GAP43: variants seen among roughly 807,000 people sequenced by gnomAD.
GAP43 encodes the protein growth associated protein 43, also known as neuromodulin.
A neutral mutation model predicts 18.6 loss-of-function variants in GAP43; 6 were observed. The observed-to-expected ratio is 0.32, with a 90% CI of 0.18 to 0.64. The LOEUF is 0.64. Among genes scored for constraint, GAP43 ranks in the 30% least tolerant of loss-of-function variants. The pLI is 0.78. For missense variants in GAP43, 292 were observed against 295.5 expected, an observed-to-expected ratio of 0.99 and a Z score of 0.09; for synonymous variants, 115 against 111.4, an observed-to-expected ratio of 1.03 and a Z score of -0.20.
chr3:115,635,701 C>G (rs80311075), intron 1 of GAP43, among the ~76,000 whole-genome samples: 3,819 of 151,276 alleles, frequency 0.025, 75 homozygotes, highest in Middle Eastern at 0.062. Context: ...AAGAAGTACT[C>G]TGCAGGACTA....
At chr3:115,703,168 A>T (rs370708435) in intron 2 of GAP43, among the ~76,000 whole-genome samples, 141 of 152,256 alleles carry the variant, frequency 9.3e-4, no homozygotes, top group Middle Eastern at 3.4e-3. Flanking sequence ...AATCAAGGAG[A>T]ACACTGTTAT....
At chr3:115,627,039 G>A (rs1046890192) in intron 1 of GAP43, among the ~76,000 whole-genome samples, 27 of 144,740 alleles carry the variant, frequency 1.9e-4, no homozygotes, top group Admixed American at 2.1e-4. Flanking sequence ...GAAGCTTCTC[G>A]TTCTTTTTTT....
In GAP43 at chr3:115,623,679, A is replaced by G. The variant is rs1281273671; in HGVS notation, c.-11A>G. 3 of 1,614,160 alleles carry G rather than the reference A, an allele frequency of 1.9e-6. No homozygotes were observed. Among genetic ancestry groups the G allele is most frequent in the Admixed American group, 3.3e-5 (2 of 60,022 alleles). ...AGAGAAGGCAGGAAGAAGGCAAGGG[A>G]CGAGACAACCATGCTGTGCTGTATG... On this transcript the variant is annotated 5_prime_UTR_variant, in exon 1 of 3. Transcript: ENST00000305124.
intron 2 of GAP43, 141 bp from the exon 3 acceptor site, chr3:115,720,653 G>A (rs934766213): frequency 3.6e-6 from 2 of 556,096 alleles, no homozygotes; most frequent in Non-Finnish European, 6.5e-6. Context: ...CATTAACTGG[G>A]ATATTAATAA....
chr3:115,711,511 AC>A (rs869281896), intron 2 of GAP43, among the ~76,000 whole-genome samples: 1 of 143,856 alleles, frequency 7.0e-6, no homozygotes, highest in Non-Finnish European at 1.6e-5. Context: ...ACACACACAC[AC>A]CCCCCTACAG....
chr3:115,716,369 A>T (rs1709502136), intron 2 of GAP43, among the ~76,000 whole-genome samples: 1 of 151,982 alleles, frequency 6.6e-6, no homozygotes. Context: ...CCTTTCCCAA[A>T]CTCACATGCA....
intron 2 of GAP43, among the ~76,000 whole-genome samples, chr3:115,694,335 A>C (rs764618495): frequency 5.3e-5 from 8 of 152,100 alleles, no homozygotes; most frequent in Non-Finnish European, 1.0e-4. Context: ...GACAATGGTG[A>C]CTCTATATTT....
chr3:115,640,462 A>T (rs577251277), intron 1 of GAP43, among the ~76,000 whole-genome samples: 10 of 152,164 alleles, frequency 6.6e-5, no homozygotes, highest in Admixed American at 3.9e-4. Flanking sequence ...TTATCTGGTC[A>T]TACATTCCTT....
At chr3:115,707,238 G>A (rs1469557836) in intron 2 of GAP43, among the ~76,000 whole-genome samples, 1 of 151,964 alleles carries the variant, frequency 6.6e-6, no homozygotes, top group Admixed American at 6.6e-5. Context: ...GGCAGTGAGA[G>A]GTTAAGTAAT....
chr3:115,624,468 C>T (rs1304779793), intron 1 of GAP43, among the ~76,000 whole-genome samples: 1 of 151,978 alleles, frequency 6.6e-6, no homozygotes, highest in East Asian at 1.9e-4. Context: ...GAAAGACAGC[C>T]GGGTATTACC....
chr3:115,706,779 ACTCTT>A (rs1020883706), intron 2 of GAP43, among the ~76,000 whole-genome samples: 1 of 151,490 alleles, frequency 6.6e-6, no homozygotes, highest in African/African-American at 2.4e-5. Context: ...CAAGTCAGAG[ACTCTT>A]CTCTTTCTTT....
At chr3:115,681,679 A>C (rs1708959160) in intron 2 of GAP43, among the ~76,000 whole-genome samples, 1 of 152,222 alleles carries the variant, frequency 6.6e-6, no homozygotes, top group African/African-American at 2.4e-5. Flanking sequence ...GAGTTAACAT[A>C]TAAAAGTCTA....
At chr3:115,711,551 G>A (rs2107375748) in intron 2 of GAP43, among the ~76,000 whole-genome samples, 1 of 152,222 alleles carries the variant, frequency 6.6e-6, no homozygotes, top group Middle Eastern at 3.4e-3. Context: ...TTCCTAGGTT[G>A]AAATGTCTCT....
rs900934913 is a variant in GAP43 at position 115,670,833 on chromosome 3, G to A, written c.31-5180G>A. Reference sequence around the variant, plus strand: ...ACATATTTAAAAAAACATTGCTTAGGATATCTCCGGCCTTTCAAGTTTGTT... The same window carrying A: ...ACATATTTAAAAAAACATTGCTTAGAATATCTCCGGCCTTTCAAGTTTGTT... On this transcript the variant is annotated intron_variant, in intron 1 of 2. Transcript: ENST00000305124. Among the ~76,000 whole-genome samples the A allele has an allele frequency of 1.5e-4, 23 of 152,238 alleles. 1 individual carries two copies. The highest frequency in any genetic ancestry group is 5.5e-4 in the African/African-American group (23 of 41,536).
chr3:115,708,940 G>GTTTTTTT (rs3086974), intron 2 of GAP43, among the ~76,000 whole-genome samples: 12 of 99,792 alleles, frequency 1.2e-4, no homozygotes, highest in African/African-American at 4.6e-4. Flanking sequence ...AACTGGCTGG[G>GTTTTTTT]TTTTTTTTTT....
At chr3:115,719,204 G>A (rs1467518336) in intron 2 of GAP43, among the ~76,000 whole-genome samples, 1 of 152,078 alleles carries the variant, frequency 6.6e-6, no homozygotes, top group Non-Finnish European at 1.5e-5. Context: ...GTTGTTAAGA[G>A]GAGGACAAGC....
intron 1 of GAP43, among the ~76,000 whole-genome samples, chr3:115,662,244 A>G (rs1708671437): frequency 6.6e-6 from 1 of 152,188 alleles, no homozygotes; most frequent in Non-Finnish European, 1.5e-5. Context: ...TACCCACTGC[A>G]CTATCGCCAC....
intron 1 of GAP43, 144 bp from the exon 2 acceptor site, chr3:115,675,869 C>A: frequency 9.3e-7 from 1 of 1,073,652 alleles, no homozygotes; most frequent in Non-Finnish European, 1.3e-6. Flanking sequence ...TTGATTTGAA[C>A]TTCCAGGGTA....
At chr3:115,702,491 T>C (rs533001876) in intron 2 of GAP43, among the ~76,000 whole-genome samples, 4 of 152,174 alleles carry the variant, frequency 2.6e-5, no homozygotes, top group African/African-American at 9.6e-5. Context: ...ATACTGCTCA[T>C]TGAAGCTAAG....
Sources: allele counts gnomAD v4.1 joint callset (sites outside exome capture counted in the v4.1 genomes callset), GRCh38; gene constraint gnomAD v4.1.1; transcripts MANE v1.5; gene names NCBI Gene and HGNC (gene_info 2026-07-23, HGNC 2026-07-21).